SYCP1: variants seen among roughly 807,000 people sequenced by gnomAD.
The protein encoded by SYCP1 is cancer/testis antigen 8.
Under a neutral mutation model 153.1 loss-of-function variants are expected in SYCP1, and 64 were observed. The observed-to-expected ratio is 0.42, with a 90% confidence interval of 0.34 to 0.51. The LOEUF is 0.51. SYCP1 is among the 20% of genes least tolerant of loss of function. The pLI is 0.06. For missense variants in SYCP1, 997 were observed against 1,049.0 expected (o/e 0.95, Z 0.68); for synonymous variants, 384 against 341.8 (o/e 1.12, Z -1.36).
At chr1:114,951,045 C>T (rs1671074737) in intron 27 of SYCP1, among the ~76,000 whole-genome samples, 1 of 152,028 alleles carries the variant, frequency 6.6e-6, no homozygotes, top group Non-Finnish European at 1.5e-5. Context: ...AGGATGGTCT[C>T]AATCTCCTGA....
intron 28 of SYCP1, 57 bp from the exon 29 acceptor site, chr1:114,981,275 GAAAT>G (rs770557369): frequency 9.9e-6 from 13 of 1,307,728 alleles, no homozygotes; most frequent in South Asian, 6.1e-5. Flanking sequence ...TTTAATTAAA[GAAAT>G]AAATAATTAA....
At chr1:114,961,648 T>C (rs1671787165) in intron 27 of SYCP1, among the ~76,000 whole-genome samples, 1 of 152,184 alleles carries the variant, frequency 6.6e-6, no homozygotes, top group Non-Finnish European at 1.5e-5. Flanking sequence ...TTTGCCTGAT[T>C]TTGAGAGTTC....
In SYCP1 at chr1:114,887,538, T is replaced by C. The variant is rs926474106; in HGVS notation, c.1191-88T>C. ...CAGTGGGTGAATCTATTCTAAGATA[T>C]ATCAGTTGCTAAATTGCACCAATTT... On this transcript the variant is annotated intron_variant, in intron 14 of 31. Transcript: ENST00000369522. 1.2e-4 allele frequency: 90 copies of C among 733,424 alleles called. 3 individuals are homozygous for C. The highest frequency in any genetic ancestry group is 1.1e-5 in the Non-Finnish European group (5 of 453,308). 45.4% of individuals were successfully genotyped at this position (733,424 alleles called of 1,614,324 possible).
intron 30 of SYCP1, among the ~76,000 whole-genome samples, chr1:114,988,327 G>A (rs891890207): frequency 3.3e-5 from 5 of 151,838 alleles, no homozygotes; most frequent in African/African-American, 4.8e-5. Flanking sequence ...ACAAATTCAC[G>A]AAGCTCAACA....
At chr1:114,918,162 TATG>T (rs1232898084) in intron 20 of SYCP1, among the ~76,000 whole-genome samples, 7 of 152,110 alleles carry the variant, frequency 4.6e-5, no homozygotes, top group Non-Finnish European at 8.8e-5. Context: ...GATTTTTATA[TATG>T]GCAAGAGATA....
chr1:114,927,912 C>G (rs1402523127), intron 23 of SYCP1, among the ~76,000 whole-genome samples: 1 of 152,130 alleles, frequency 6.6e-6, no homozygotes, highest in Non-Finnish European at 1.5e-5. Flanking sequence ...CCTCGATCTC[C>G]TGGACTCAGG....
rs1673142140 is a variant in SYCP1, at chr1:114,981,378, A to C, written c.2425A>C (p.Lys809Gln). 23 of 1,603,308 alleles carry C rather than the reference A, an allele frequency of 1.4e-5. No homozygotes were observed. The highest frequency in any genetic ancestry group is 1.9e-5 in the Non-Finnish European group (22 of 1,176,680). Residue 809 changes from lysine to glutamine, a missense_variant, in exon 29 of 32, where the codon AAA becomes CAA. By Grantham distance (53) the Lys-to-Gln change is moderately conservative (BLOSUM62 1). Around this residue, in one of 2 missense-constraint regions of SYCP1, gnomAD observed 712 missense variants for 682.9 expected, o/e 1.04. Coordinates refer to ENST00000369522, the MANE Select transcript of SYCP1 (RefSeq NM_003176.4). ...ATTGGAAACACCTGAAATTTATTGG[A>C]AATTGGATTCTAAAGCAGTTCCTTC... The part of the protein sequence containing the change: ...FLLETPEIYW[K>Q]LDSKAVPSQT...
At chr1:114,894,903 A>G (rs1035263244) in intron 15 of SYCP1, among the ~76,000 whole-genome samples, 3 of 152,180 alleles carry the variant, frequency 2.0e-5, no homozygotes, top group African/African-American at 7.2e-5. Context: ...TAGCTGCTTG[A>G]AAGAGCAGAA....
chr1:114,857,157 A>AAAAAAAAG (rs1664040863), intron 3 of SYCP1, 75 bp from the exon 4 acceptor site: 31 of 881,462 alleles, frequency 3.5e-5, no homozygotes, highest in Non-Finnish European at 4.7e-5. Context: ...AAAAAAAAAA[A>AAAAAAAAG]GAGAAAAAAG....
At chr1:114,876,388 T>A (rs950211707) in intron 10 of SYCP1, among the ~76,000 whole-genome samples, 3 of 151,944 alleles carry the variant, frequency 2.0e-5, no homozygotes, top group Non-Finnish European at 4.4e-5. Flanking sequence ...AGAAATGTGA[T>A]TTGGTCTCTT....
intron 2 of SYCP1, 124 bp from the exon 3 acceptor site, chr1:114,856,449 A>G: frequency 1.8e-6 from 1 of 565,376 alleles, no homozygotes; most frequent in Non-Finnish European, 3.0e-6. Context: ...CTGTATGTAC[A>G]TTAAAGGATT....
At chr1:114,897,639 C>T (rs931882775) in intron 16 of SYCP1, among the ~76,000 whole-genome samples, 2 of 151,874 alleles carry the variant, frequency 1.3e-5, no homozygotes, top group Non-Finnish European at 1.5e-5. Context: ...TACCTATCAG[C>T]GAAGAGAGGA....
intron 16 of SYCP1, among the ~76,000 whole-genome samples, chr1:114,904,101 A>G: frequency 6.6e-6 from 1 of 151,896 alleles, no homozygotes; most frequent in South Asian, 2.1e-4. Flanking sequence ...TAAATTTTAT[A>G]ATTAGCTTTT....
chr1:114,952,700 C>A (rs1671187855), intron 27 of SYCP1, among the ~76,000 whole-genome samples: 1 of 152,180 alleles, frequency 6.6e-6, no homozygotes, highest in African/African-American at 2.4e-5. Context: ...TTACTTCCCA[C>A]TGGGTACTCT....
chr1:114,963,356 G>A (rs1243605423), intron 27 of SYCP1, among the ~76,000 whole-genome samples: 1 of 151,928 alleles, frequency 6.6e-6, no homozygotes, highest in Non-Finnish European at 1.5e-5. Flanking sequence ...TGGAGGCTTT[G>A]TTCATTTTTT....
chr1:114,937,643 C>T (rs950053399), intron 23 of SYCP1, among the ~76,000 whole-genome samples: 6 of 151,908 alleles, frequency 3.9e-5, no homozygotes, highest in African/African-American at 1.5e-4. Flanking sequence ...TACAATCTAC[C>T]CATCTGACAA....
chr1:114,932,324 A>G (rs1314206407), intron 23 of SYCP1, among the ~76,000 whole-genome samples: 1 of 152,232 alleles, frequency 6.6e-6, no homozygotes, highest in East Asian at 1.9e-4. Flanking sequence ...ATGTATCCAG[A>G]ATATATAAAT....
intron 28 of SYCP1, among the ~76,000 whole-genome samples, chr1:114,979,308 T>A (rs1673000657): frequency 6.6e-6 from 1 of 151,812 alleles, no homozygotes. Context: ...GAGGATTAAA[T>A]GAGATGGTAT....
chr1:114,882,223 A>C (rs1260274366), intron 12 of SYCP1, among the ~76,000 whole-genome samples: 2 of 151,592 alleles, frequency 1.3e-5, no homozygotes, highest in South Asian at 2.1e-4. Context: ...CAAACCAAAC[A>C]AAACCAAACC....
Sources: gnomAD v4.1 joint callset for allele counts (sites outside exome capture counted in the v4.1 genomes callset) on GRCh38, gnomAD v4.1.1 for gene constraint, gnomAD v4.1.1 regional missense constraint, MANE v1.5 for transcripts, NCBI Gene and HGNC (gene_info 2026-07-23, HGNC 2026-07-21) for gene names.